Variants in SHC3 observed in about 807,000 individuals in gnomAD.
SHC3 encodes the protein SHC adaptor protein 3.
In SHC3, 15 loss-of-function variants were observed where a neutral mutation model predicts 60.4. The ratio of observed to expected loss-of-function variants is 0.25; its 90% CI spans 0.17 to 0.38. The LOEUF (loss-of-function observed/expected upper bound fraction) is 0.38. SHC3 is among the 10% of genes least tolerant of loss of function. The pLI, the probability that SHC3 is intolerant of heterozygous loss-of-function variation, is 1.00. For synonymous variants in SHC3, 294 were observed against 325.9 expected, an observed-to-expected ratio of 0.90 and a Z score of 1.05; for missense variants, 677 against 786.1, an observed-to-expected ratio of 0.86 and a Z score of 1.66.
chr9:89,053,370 A>G (rs1824894055), intron 6 of SHC3, among the ~76,000 whole-genome samples: 1 of 152,218 alleles, frequency 6.6e-6, no homozygotes, highest in African/African-American at 2.4e-5. Flanking sequence ...CCCTCCCTAT[A>G]GGAGAAGCCA....
chr9:89,164,434 A>G (rs1826756192), intron 1 of SHC3, among the ~76,000 whole-genome samples: 1 of 152,170 alleles, frequency 6.6e-6, no homozygotes, highest in South Asian at 2.1e-4. Flanking sequence ...TAAGCCCAAA[A>G]GTGCAACTGG....
chr9:89,089,131 G>A (rs1587720354), intron 2 of SHC3, among the ~76,000 whole-genome samples: 1 of 152,288 alleles, frequency 6.6e-6, no homozygotes, highest in East Asian at 1.9e-4. Context: ...CACAGAGCCT[G>A]TCCATTCCAG....
At chr9:89,055,763 C>T (rs1002164733) in intron 6 of SHC3, among the ~76,000 whole-genome samples, 1 of 152,230 alleles carries the variant, frequency 6.6e-6, no homozygotes, top group African/African-American at 2.4e-5. Context: ...ATTAGGAATG[C>T]CCATCACACC....
In SHC3 at chr9:89,038,358, A is replaced by T. The variant is rs537760099; in HGVS notation, c.1361-70T>A. The T allele has an allele frequency of 3.9e-4, 561 of 1,437,658 alleles. 5 individuals carry two copies. The Middle Eastern group carries it at 5.4e-3, about 14-fold the overall frequency. The allele number at this position is 1,437,658 out of a possible 1,614,324, so 89.1% of individuals were successfully genotyped here. On this transcript the variant is annotated intron_variant, in intron 10 of 11. Transcript: ENST00000375835. ...AGCAAATGATAAAAAAAAAAAAAAA[A>T]AAATACAGTGAGAGAGATGGAAATG...
intron 1 of SHC3, among the ~76,000 whole-genome samples, chr9:89,138,803 G>T (rs1826354047): frequency 6.6e-6 from 1 of 152,146 alleles, no homozygotes; most frequent in Non-Finnish European, 1.5e-5. Flanking sequence ...ATGATTAGAG[G>T]TGATGATATT....
At chr9:89,153,946 C>T (rs1322307143) in intron 1 of SHC3, among the ~76,000 whole-genome samples, 1 of 152,158 alleles carries the variant, frequency 6.6e-6, no homozygotes, top group Non-Finnish European at 1.5e-5. Context: ...TCCCTTCGTT[C>T]CTCCTGACGA....
At chr9:89,072,181 T>C (rs950299456) in intron 4 of SHC3, among the ~76,000 whole-genome samples, 1 of 152,186 alleles carries the variant, frequency 6.6e-6, no homozygotes, top group East Asian at 1.9e-4. Context: ...ATGGTTTTCA[T>C]TATTAAAATA....
At chr9:89,174,721 G>A (rs966470251) in intron 1 of SHC3, among the ~76,000 whole-genome samples, 1 of 152,196 alleles carries the variant, frequency 6.6e-6, no homozygotes, top group Admixed American at 6.5e-5. Flanking sequence ...CAAACCCGGT[G>A]CAGCCCACAC....
intron 1 of SHC3, among the ~76,000 whole-genome samples, chr9:89,116,925 A>G (rs1471633359): frequency 6.6e-6 from 1 of 152,178 alleles, no homozygotes; most frequent in Non-Finnish European, 1.5e-5. Flanking sequence ...AACAATTAAC[A>G]TTGCAGAGTT....
intron 6 of SHC3, among the ~76,000 whole-genome samples, chr9:89,059,744 TGGTGGAGGATG>T (rs1825044087): frequency 3.8e-5 from 2 of 52,620 alleles, no homozygotes; most frequent in East Asian, 1.0e-3. Context: ...GTGGAGGACG[TGGTGGAGGATG>T]GTGGTGGAGG....
In SHC3 at chr9:89,109,188, G is replaced by A. The variant is rs530909995; in HGVS notation, c.545+3368C>T. ...AGCCTGTCTTAATACTGCACAATATGCATTGTTTCCATCCCCAAATGAACT... is the reference window on the plus strand; with the variant it reads ...AGCCTGTCTTAATACTGCACAATATACATTGTTTCCATCCCCAAATGAACT... On this transcript the variant is annotated intron_variant, in intron 2 of 11. Transcript: ENST00000375835. 1.0e-3 allele frequency: 986 copies of A among 941,638 alleles called. 1 individual carries two copies. The highest frequency in any genetic ancestry group is 1.2e-3 in the Non-Finnish European group (960 of 790,048). The allele number at this position is 941,638 out of a possible 1,614,324, so 58.3% of individuals were successfully genotyped here.
At chr9:89,144,524 T>C (rs1442955930) in intron 1 of SHC3, among the ~76,000 whole-genome samples, 2 of 152,210 alleles carry the variant, frequency 1.3e-5, no homozygotes, top group Admixed American at 6.5e-5. Flanking sequence ...CAGGTTTCAC[T>C]GGAGGAGCCA....
intron 9 of SHC3, among the ~76,000 whole-genome samples, chr9:89,045,279 C>CTTT (rs35967148): frequency 2.5e-4 from 30 of 122,260 alleles, no homozygotes; most frequent in Admixed American, 4.3e-4. Context: ...AACACTGTTG[C>CTTT]TTTTTTTTTT....
At chr9:89,160,194 G>C (rs1826683652) in intron 1 of SHC3, among the ~76,000 whole-genome samples, 1 of 152,050 alleles carries the variant, frequency 6.6e-6, no homozygotes, top group South Asian at 2.1e-4. Flanking sequence ...ATCCTTCAGT[G>C]GCACATCTTC....
chr9:89,172,535 A>G (rs1047969655), intron 1 of SHC3, among the ~76,000 whole-genome samples: 2 of 151,842 alleles, frequency 1.3e-5, no homozygotes, highest in Non-Finnish European at 2.9e-5. Context: ...ACAGACACAC[A>G]CACACACGAA....
At chr9:89,151,231 G>A (rs1826541662) in intron 1 of SHC3, among the ~76,000 whole-genome samples, 1 of 152,072 alleles carries the variant, frequency 6.6e-6, no homozygotes, top group African/African-American at 2.4e-5. Flanking sequence ...TGTTGCCCAG[G>A]CTGGTGTATG....
At chr9:89,041,602 C>T (rs1380430972) in intron 10 of SHC3, among the ~76,000 whole-genome samples, 1 of 152,196 alleles carries the variant, frequency 6.6e-6, no homozygotes. Context: ...GTTGCAATTT[C>T]TTGCCTATAT....
At chr9:89,173,466 T>A (rs886902209) in intron 1 of SHC3, among the ~76,000 whole-genome samples, 9 of 152,264 alleles carry the variant, frequency 5.9e-5, no homozygotes, top group African/African-American at 2.2e-4. Context: ...GAAGCAGCCA[T>A]CTGTTCTTTA....
intron 1 of SHC3, among the ~76,000 whole-genome samples, chr9:89,156,786 G>C (rs1229502671): frequency 6.6e-6 from 1 of 152,166 alleles, no homozygotes; most frequent in Non-Finnish European, 1.5e-5. Context: ...GAGGGGCCTG[G>C]AGAAGGTCAT....
Sources: allele counts gnomAD v4.1 joint callset (sites outside exome capture counted in the v4.1 genomes callset), GRCh38; gene constraint gnomAD v4.1.1; transcripts MANE v1.5; gene names NCBI Gene and HGNC (gene_info 2026-07-23, HGNC 2026-07-21).